Variants in BICC1 observed in about 807,000 individuals in gnomAD.
BICC1 encodes BicC family RNA binding protein 1, also known as protein bicaudal C homolog 1.
BICC1 carries 43 observed loss-of-function variants against 111.0 expected under a neutral mutation model. The ratio of observed to expected loss-of-function variants is 0.39; its 90% CI spans 0.30 to 0.50. BICC1 has a LOEUF of 0.50. BICC1 is among the 20% of genes least tolerant of loss of function. BICC1 has a pLI of 0.88. For synonymous variants in BICC1, 467 were observed against 434.4 expected (o/e 1.07, Z -0.93); for missense variants, 1,091 against 1,203.2 (o/e 0.91, Z 1.38).
At chr10:58,754,323 A>G (rs1842077381) in intron 3 of BICC1, among the ~76,000 whole-genome samples, 1 of 152,214 alleles carries the variant, frequency 6.6e-6, no homozygotes, top group East Asian at 1.9e-4. Context: ...CTTTTATTGC[A>G]AGTAAAAGAT....
At chr10:58,576,782 C>T (rs1051406623) in intron 1 of BICC1, among the ~76,000 whole-genome samples, 3 of 152,146 alleles carry the variant, frequency 2.0e-5, no homozygotes, top group African/African-American at 7.2e-5. Context: ...TCTTATTTTC[C>T]TCACTTAATA....
Position 58,828,934 on chromosome 10 carries a change from G to A in BICC1, c.*43G>A. ...ATGCCCGCTGACTAACTGTAAAGTG[G>A]ACACAGGAGATGTATGAACAGCCTT... On this transcript the variant is annotated 3_prime_UTR_variant, in exon 21 of 21. Coordinates refer to ENST00000373886, the MANE Select transcript of BICC1 (RefSeq NM_001080512.3). The A allele has an allele frequency of 6.2e-7, 1 of 1,610,556 alleles. No individual in the cohort carries two copies. Among genetic ancestry groups the A allele is most frequent in the Non-Finnish European group, 8.5e-7 (1 of 1,178,292 alleles).
intron 20 of BICC1, among the ~76,000 whole-genome samples, chr10:58,828,543 C>G (rs1250127377): frequency 6.6e-6 from 1 of 152,132 alleles, no homozygotes; most frequent in African/African-American, 2.4e-5. Flanking sequence ...ATTTGCTGTC[C>G]TTTGTTCTCT....
chr10:58,633,739 A>C (rs1837866230), intron 2 of BICC1, among the ~76,000 whole-genome samples: 1 of 152,182 alleles, frequency 6.6e-6, no homozygotes, highest in African/African-American at 2.4e-5. Context: ...TCACATGAAA[A>C]CTTCTGAGAA....
At chr10:58,670,479 A>G (rs1839151451) in intron 2 of BICC1, among the ~76,000 whole-genome samples, 1 of 152,128 alleles carries the variant, frequency 6.6e-6, no homozygotes, top group Admixed American at 6.6e-5. Context: ...CAACAAAAAT[A>G]CCCCTATGGC....
intron 1 of BICC1, among the ~76,000 whole-genome samples, chr10:58,519,878 A>G (rs987222027): frequency 6.6e-6 from 1 of 152,124 alleles, no homozygotes; most frequent in Non-Finnish European, 1.5e-5. Flanking sequence ...ACATGGTACA[A>G]TAAAAATGCT....
intron 3 of BICC1, among the ~76,000 whole-genome samples, chr10:58,738,555 T>G (rs1309318216): frequency 6.6e-6 from 1 of 152,056 alleles, no homozygotes; most frequent in African/African-American, 2.4e-5. Flanking sequence ...GGCTTAGGAT[T>G]GACTTGGCAA....
Position 58,798,473 on chromosome 10 carries a change from T to C in BICC1, c.1441T>C (p.Ser481Pro). ...CTCACTCTTGAATGCTCTTAATAGC[T>C]CAGTCAGTCCTTTGCAAAGTCCAAG... is the stretch of plus-strand genomic sequence containing the variant. ...PNSLLNALNSSVSPLQSPSSG... is the reference protein window; with the variant it reads ...PNSLLNALNSPVSPLQSPSSG... The change falls in exon 11 of 21, where the codon TCA becomes CCA. Residue 481 changes from serine (S) to proline (P), a missense_variant. This residue lies in a region of BICC1 where 843 missense variants were observed against 900.8 expected (regional missense o/e 0.94). Coordinates refer to ENST00000373886, the MANE Select transcript of BICC1 (RefSeq NM_001080512.3). The C allele has an allele frequency of 6.2e-7, 1 of 1,613,438 alleles. No individual in the cohort carries two copies. Among genetic ancestry groups the C allele is most frequent in the Non-Finnish European group, 8.5e-7 (1 of 1,179,664 alleles).
chr10:58,796,125 G>A (rs993440503), intron 9 of BICC1, among the ~76,000 whole-genome samples: 1 of 152,124 alleles, frequency 6.6e-6, no homozygotes, highest in Admixed American at 6.5e-5. Flanking sequence ...CCCAGAACAT[G>A]CCCAATAAAT....
intron 1 of BICC1, among the ~76,000 whole-genome samples, chr10:58,570,219 A>G (rs936178057): frequency 5.9e-5 from 9 of 152,218 alleles, no homozygotes; most frequent in Non-Finnish European, 8.8e-5. Flanking sequence ...GTTCTGATGA[A>G]GAGCCTTCGT....
At chr10:58,806,094 T>C (rs16912620) in intron 15 of BICC1, among the ~76,000 whole-genome samples, 1,881 of 152,270 alleles carry the variant, frequency 0.012, 45 homozygotes, top group African/African-American at 0.043. Context: ...ACTATGCCAG[T>C]TAGGTTAAAT....
At chr10:58,555,699 T>C (rs957117138) in intron 1 of BICC1, among the ~76,000 whole-genome samples, 3 of 152,138 alleles carry the variant, frequency 2.0e-5, no homozygotes, top group African/African-American at 7.2e-5. Flanking sequence ...GGAACTCAAA[T>C]GATGGCCAAG....
chr10:58,787,212 G>A, intron 5 of BICC1, 131 bp downstream of exon 5: 1 of 757,988 alleles, frequency 1.3e-6, no homozygotes, highest in African/African-American at 1.9e-5. Flanking sequence ...AGTGTAGATT[G>A]TACAACTTTC....
At chr10:58,607,173 G>T (rs920485345) in intron 1 of BICC1, among the ~76,000 whole-genome samples, 2 of 151,912 alleles carry the variant, frequency 1.3e-5, no homozygotes, top group South Asian at 4.2e-4. Context: ...AAAATTAGCC[G>T]AGTGTGGTGG....
At chr10:58,642,342 G>A (rs1564527280) in intron 2 of BICC1, among the ~76,000 whole-genome samples, 1 of 152,126 alleles carries the variant, frequency 6.6e-6, no homozygotes, top group Non-Finnish European at 1.5e-5. Flanking sequence ...GTAGATCTTA[G>A]CTTGTCTTCC....
chr10:58,827,815 A>G (rs1400396603), intron 20 of BICC1, among the ~76,000 whole-genome samples: 2 of 152,130 alleles, frequency 1.3e-5, no homozygotes, highest in African/African-American at 4.8e-5. Flanking sequence ...GTTACACCAA[A>G]TGTGCCTGCC....
intron 14 of BICC1, 22 bp from the exon 15 acceptor site, chr10:58,803,055 A>G: frequency 2.6e-6 from 4 of 1,563,764 alleles, no homozygotes; most frequent in Non-Finnish European, 3.5e-6. Flanking sequence ...GGAGTGTTAA[A>G]TTCCACACTC....
chr10:58,785,741 C>G (rs534622548), intron 4 of BICC1, among the ~76,000 whole-genome samples: 2 of 152,182 alleles, frequency 1.3e-5, no homozygotes, highest in Non-Finnish European at 2.9e-5. Flanking sequence ...GTTTGATCCT[C>G]GTAACTGACT....
intron 2 of BICC1, among the ~76,000 whole-genome samples, chr10:58,632,157 CAT>C (rs1160914608): frequency 2.6e-5 from 4 of 152,166 alleles, no homozygotes; most frequent in African/African-American, 9.7e-5. Flanking sequence ...TGGGCTACCT[CAT>C]AATCTGGGAA....
Sources: allele counts gnomAD v4.1 joint callset (sites outside exome capture counted in the v4.1 genomes callset), GRCh38; gene constraint gnomAD v4.1.1; regional missense constraint gnomAD v4.1.1; transcripts MANE v1.5; gene names NCBI Gene and HGNC (gene_info 2026-07-23, HGNC 2026-07-21).